BEND7: variants seen among roughly 807,000 people sequenced by gnomAD.
BEND7 encodes the protein BEN domain-containing protein 7.
In BEND7, 28 loss-of-function variants were observed where a neutral mutation model predicts 50.9. The observed-to-expected ratio is 0.55, with a 90% confidence interval of 0.41 to 0.75. The LOEUF (loss-of-function observed/expected upper bound fraction) is 0.75, where lower values mean the gene tolerates loss of function less well. Among genes scored for constraint, BEND7 ranks in the 30% least tolerant of loss-of-function variants. BEND7 has a pLI of 0.00. For synonymous variants in BEND7, 170 were observed against 183.9 expected (o/e 0.92, Z 0.61); for missense variants, 477 against 491.3 (o/e 0.97, Z 0.28).
intron 6 of BEND7, among the ~76,000 whole-genome samples, chr10:13,459,114 T>C (rs572341978): frequency 6.6e-6 from 1 of 152,108 alleles, no homozygotes; most frequent in African/African-American, 2.4e-5. Flanking sequence ...AGAAAAATGG[T>C]TGAATGGTAA....
chr10:13,470,737 G>A (rs1220420802), intron 6 of BEND7, among the ~76,000 whole-genome samples: 4 of 152,192 alleles, frequency 2.6e-5, no homozygotes, highest in Non-Finnish European at 5.9e-5. Flanking sequence ...AATTCATAAG[G>A]TGTGGGATGG....
chr10:13,441,614 T>G lies in BEND7; in HGVS notation c.*129A>C. On this transcript the variant is annotated 3_prime_UTR_variant, in exon 9 of 9. Coordinates refer to ENST00000466271, the MANE Select transcript of BEND7 (RefSeq NM_001369863.1). Reference sequence around the variant, plus strand: ...TGACCAGCAACATACTCATCCTATTTTAACACGGCGAAAGGTCACCAATTA... The same window carrying G: ...TGACCAGCAACATACTCATCCTATTGTAACACGGCGAAAGGTCACCAATTA... The G allele has an allele frequency of 6.5e-7, 1 of 1,547,438 alleles. No homozygotes were observed. Among genetic ancestry groups the G allele is most frequent in the South Asian group, 1.2e-5 (1 of 80,072 alleles).
chr10:13,446,872 C>T lies in BEND7; in HGVS notation c.1234+394G>A, dbSNP rs45465900. 6.3e-3 allele frequency: 1,659 copies of T among 263,980 alleles called. 4 individuals are homozygous for T. The highest frequency in any genetic ancestry group is 9.3e-3 in the Non-Finnish European group (1,296 of 139,266). 16.4% of individuals were successfully genotyped at this position (263,980 alleles called of 1,614,324 possible). ...GATTGACTGCTCAAGGCTCCAAGGCCGTTTGGAGGAGGTGGGAGAGGACAG... is the reference window on the plus strand; with the variant it reads ...GATTGACTGCTCAAGGCTCCAAGGCTGTTTGGAGGAGGTGGGAGAGGACAG... On this transcript the variant is annotated intron_variant, in intron 8 of 8. Transcript: ENST00000466271.
Position 13,460,880 on chromosome 10 carries a change from A to G in BEND7, c.1064-8222T>C, listed in dbSNP as rs143390938. Among the ~76,000 whole-genome samples the G allele has an allele frequency of 3.2e-3, 488 of 152,366 alleles. 4 individuals are homozygous for G. The highest frequency in any genetic ancestry group is 0.011 in the African/African-American group (465 of 41,582). ...AAATGCATTAATTCAAGACATATTT[A>G]TCCACCACACATAATGTGCCAGGAC... On this transcript the variant is annotated intron_variant, in intron 6 of 8. Coordinates refer to ENST00000466271, the MANE Select transcript of BEND7 (RefSeq NM_001369863.1).
chr10:13,499,587 C>T, intron 3 of BEND7, 191 bp downstream of exon 3: 2 of 633,102 alleles, frequency 3.2e-6, no homozygotes, highest in Non-Finnish European at 4.8e-6. Flanking sequence ...CCCTGTCTTT[C>T]CTAATTCTCA....
intron 8 of BEND7, chr10:13,444,457 C>T (rs1051000612): frequency 1.3e-5 from 2 of 152,142 alleles, no homozygotes; most frequent in African/African-American, 4.8e-5. Context: ...AAATACACAA[C>T]TTTGGAAGGA....
intron 8 of BEND7, chr10:13,446,906 T>A: frequency 3.3e-6 from 1 of 302,542 alleles, no homozygotes; most frequent in Non-Finnish European, 6.2e-6. Flanking sequence ...AGCCTAGCCA[T>A]GAATTTGATC....
chr10:13,510,570 T>C (rs2078204001), intron 2 of BEND7, among the ~76,000 whole-genome samples: 1 of 152,240 alleles, frequency 6.6e-6, no homozygotes, highest in African/African-American at 2.4e-5. Context: ...TATCATTTCA[T>C]ATCTATAAAG....
intron 6 of BEND7, among the ~76,000 whole-genome samples, chr10:13,471,950 T>A (rs551209519): frequency 9.3e-5 from 14 of 150,944 alleles, no homozygotes; most frequent in Non-Finnish European, 2.1e-4. Flanking sequence ...GATATCATCA[T>A]CACTGTTAGA....
intron 5 of BEND7, among the ~76,000 whole-genome samples, chr10:13,489,232 C>T (rs2131931269): frequency 6.6e-6 from 1 of 152,284 alleles, no homozygotes; most frequent in African/African-American, 2.4e-5. Flanking sequence ...GAGAGTCTAA[C>T]CCAGGCAGCC....
At chr10:13,479,671 C>T (rs1176808478) in intron 6 of BEND7, among the ~76,000 whole-genome samples, 3 of 152,322 alleles carry the variant, frequency 2.0e-5, no homozygotes, top group African/African-American at 7.2e-5. Context: ...AGTGTCACTT[C>T]AGGCTGAATC....
intron 6 of BEND7, among the ~76,000 whole-genome samples, chr10:13,469,835 T>C (rs1043464297): frequency 2.0e-5 from 3 of 152,210 alleles, no homozygotes; most frequent in Non-Finnish European, 4.4e-5. Flanking sequence ...TTTAGTTTTT[T>C]TGTGAGTATT....
At chr10:13,471,378 G>A (rs1386964696) in intron 6 of BEND7, among the ~76,000 whole-genome samples, 1 of 152,228 alleles carries the variant, frequency 6.6e-6, no homozygotes, top group Non-Finnish European at 1.5e-5. Context: ...CAAAGATCAT[G>A]TCTTCTGTTA....
At chr10:13,467,216 A>G (rs7075282) in intron 6 of BEND7, among the ~76,000 whole-genome samples, 4,024 of 152,276 alleles carry the variant, frequency 0.026, 178 homozygotes, top group African/African-American at 0.092. Context: ...AGGAGTTCTC[A>G]GACTTTTATC....
chr10:13,456,127 C>T (rs1447067025), intron 6 of BEND7, among the ~76,000 whole-genome samples: 1 of 152,154 alleles, frequency 6.6e-6, no homozygotes, highest in African/African-American at 2.4e-5. Flanking sequence ...TCTACTCCTC[C>T]CCTATCCTTC....
chr10:13,487,147 T>C (rs2076276850), intron 5 of BEND7, among the ~76,000 whole-genome samples: 1 of 152,238 alleles, frequency 6.6e-6, no homozygotes, highest in Admixed American at 6.5e-5. Context: ...ATTTACTATA[T>C]TCCATGCCCT....
chr10:13,448,123 A>G (rs1836825814), intron 7 of BEND7, among the ~76,000 whole-genome samples: 1 of 152,228 alleles, frequency 6.6e-6, no homozygotes, highest in African/African-American at 2.4e-5. Flanking sequence ...TCTAAGTTTT[A>G]AAATGCAAAC....
intron 6 of BEND7, among the ~76,000 whole-genome samples, chr10:13,465,628 G>T (rs2074165897): frequency 6.6e-6 from 1 of 152,246 alleles, no homozygotes; most frequent in South Asian, 2.1e-4. Flanking sequence ...TATAACCTCT[G>T]AACCACAGAA....
At chr10:13,450,845 T>C (rs1837513453) in intron 7 of BEND7, among the ~76,000 whole-genome samples, 1 of 151,572 alleles carries the variant, frequency 6.6e-6, no homozygotes. Flanking sequence ...TGGGGGGAAA[T>C]GGGCATTTGT....
Sources: allele counts gnomAD v4.1 joint callset (sites outside exome capture counted in the v4.1 genomes callset), GRCh38; gene constraint gnomAD v4.1.1; transcripts MANE v1.5; gene names NCBI Gene and HGNC (gene_info 2026-07-23, HGNC 2026-07-21).